The following BLZF1 variants were observed in gnomAD, a reference collection of about 807,000 sequenced individuals.
BLZF1 encodes the protein golgin-45.
BLZF1 carries 39 observed loss-of-function variants against 43.8 expected under a neutral mutation model. The observed-to-expected ratio is 0.89, with a 90% CI of 0.69 to 1.16. The LOEUF (loss-of-function observed/expected upper bound fraction) is 1.16. Ranked by LOEUF, BLZF1 falls within the 50% of genes most tolerant of loss-of-function variation. The pLI, the probability that BLZF1 is intolerant of heterozygous loss-of-function variation, is 0.00. For synonymous variants in BLZF1, 136 were observed against 159.4 expected (o/e 0.85, Z 1.11); for missense variants, 449 against 469.8 (o/e 0.96, Z 0.41).
In BLZF1 at chr1:169,380,541, A is replaced by C. The variant is rs1035484807; in HGVS notation, c.729A>C (p.Ala243=). Residue 243 remains alanine, a synonymous_variant, in exon 5 of 7, where the codon GCA becomes GCC. Transcript: ENST00000367808. Reference sequence around the variant, plus strand: ...CTTTACAGCGTCAAAACCGTGATGCACACGGGGCTATACAAGATCTCCTAA... The same window carrying C: ...CTTTACAGCGTCAAAACCGTGATGCCCACGGGGCTATACAAGATCTCCTAA... ...RAALQRQNRD[A]HGAIQDLLSE... 8 of 1,612,892 alleles carry C rather than the reference A, an allele frequency of 5.0e-6. No individual in the cohort carries two copies. Among genetic ancestry groups the C allele is most frequent in the Non-Finnish European group, 6.8e-6 (8 of 1,179,178 alleles).
At chr1:169,395,322 C>CA in intron 7 of BLZF1, 1 of 893,922 alleles carries the variant, frequency 1.1e-6, no homozygotes, top group Non-Finnish European at 1.6e-6. Flanking sequence ...GAAATACTGT[C>CA]ACAGCACAAA....
In BLZF1 at chr1:169,387,342, T is replaced by G. The variant is rs1211749489; in HGVS notation, c.*160T>G. 5.1e-6 allele frequency: 3 copies of G among 583,032 alleles called. No individual in the cohort carries two copies. The highest frequency in any genetic ancestry group is 8.5e-6 in the Non-Finnish European group (3 of 353,232). The allele number at this position is 583,032 out of a possible 1,614,324, so 36.1% of individuals were successfully genotyped here. ...TTATGTACTAGACTCCAGATTACCC[T>G]TTCTTAATAAATATCTCAGGGTAAG... On this transcript the variant is annotated 3_prime_UTR_variant, in exon 7 of 7. Coordinates refer to ENST00000367808, the MANE Select transcript of BLZF1 (RefSeq NM_001320973.2).
At chr1:169,390,330 AATTAAG>A (rs1654787659), downstream of BLZF1, among the ~76,000 whole-genome samples, 1 of 152,016 alleles carries the variant, frequency 6.6e-6, no homozygotes. Flanking sequence ...GAAGGAAGGA[AATTAAG>A]ATTAGAGTGC....
chr1:169,392,877 T>C (rs1292016008), downstream of BLZF1, among the ~76,000 whole-genome samples: 1 of 152,140 alleles, frequency 6.6e-6, no homozygotes, highest in Non-Finnish European at 1.5e-5. Context: ...AGCATGGAAG[T>C]TCCACGACCC....
At position 169,370,691 on chromosome 1, in the gene BLZF1, CTT is replaced by C. The variant is rs548660375; in HGVS notation, c.28+1142_28+1143del. On this transcript the variant is annotated intron_variant, in intron 2 of 6. Coordinates refer to ENST00000367808, the MANE Select transcript of BLZF1 (RefSeq NM_001320973.2). ...TTGGACAGCCCTGCTGTAGCTGTAT[CTT>C]CTCTCTTTCTTTTTCAGCCTCTTCT... is the stretch of plus-strand genomic sequence containing the variant. Among the ~76,000 whole-genome samples, 15 of 152,252 alleles carry C rather than the reference CTT, an allele frequency of 9.9e-5. No homozygotes were observed. In the South Asian group the frequency reaches 2.7e-3, roughly 27 times the overall value.
chr1:169,382,014 A>C, intron 5 of BLZF1, 48 bp from the exon 6 acceptor site: 1 of 1,372,136 alleles, frequency 7.3e-7, no homozygotes, highest in Non-Finnish European at 1.0e-6. Context: ...ATTAATTTTT[A>C]CATTTTGCTC....
chr1:169,371,598 G>C (rs1654122843), intron 2 of BLZF1, among the ~76,000 whole-genome samples: 1 of 152,306 alleles, frequency 6.6e-6, no homozygotes, highest in Admixed American at 6.5e-5. Flanking sequence ...CAGGAGATAA[G>C]TACGGTTGTT....
downstream of BLZF1, among the ~76,000 whole-genome samples, chr1:169,391,301 T>C (rs1054470693): frequency 6.6e-6 from 1 of 152,238 alleles, no homozygotes; most frequent in African/African-American, 2.4e-5. Context: ...ATCTCCATTC[T>C]AACCCAGCAT....
downstream of BLZF1, among the ~76,000 whole-genome samples, chr1:169,391,623 A>G (rs1349255909): frequency 6.6e-6 from 1 of 152,236 alleles, no homozygotes; most frequent in Non-Finnish European, 1.5e-5. Context: ...TCAAAATTAC[A>G]AAGTTTTCCA....
intron 6 of BLZF1, among the ~76,000 whole-genome samples, chr1:169,385,401 T>C (rs1654638756): frequency 6.6e-6 from 1 of 152,150 alleles, no homozygotes; most frequent in Non-Finnish European, 1.5e-5. Flanking sequence ...TCCCCCACAC[T>C]GTGTATAGAA....
In BLZF1 at chr1:169,378,327, T is replaced by C; in HGVS notation, c.469-3T>C. 6.2e-7 allele frequency: 1 copy of C among 1,611,870 alleles called. No homozygotes were observed. The highest frequency in any genetic ancestry group is 8.5e-7 in the Non-Finnish European group (1 of 1,178,282). On this transcript the variant is annotated splice_region_variant and splice_polypyrimidine_tract_variant and intron_variant, in intron 3 of 6. Transcript: ENST00000367808. ...TTGTTGTATTGATTACGTTCTCTTC[T>C]AGGTAAATCGTGAGTTAAAAAAGTT... is the stretch of plus-strand genomic sequence containing the variant.
chr1:169,369,051 A>G (rs570648938), intron 1 of BLZF1, among the ~76,000 whole-genome samples: 2 of 152,324 alleles, frequency 1.3e-5, no homozygotes, highest in South Asian at 4.1e-4. Flanking sequence ...GTCGTTTGTT[A>G]AACATCTAAA....
chr1:169,379,110 C>A (rs1357428341), intron 4 of BLZF1, among the ~76,000 whole-genome samples: 1 of 151,868 alleles, frequency 6.6e-6, no homozygotes, highest in Non-Finnish European at 1.5e-5. Flanking sequence ...TTATCCCCTC[C>A]CTGCCTCAAC....
rs186027492 is a variant in BLZF1 at position 169,387,904 on chromosome 1, T to C, written c.*722T>C. On this transcript the variant is annotated 3_prime_UTR_variant, in exon 7 of 7. Transcript: ENST00000367808. ...GATTCTGTATTCCAAATGGATACAA[T>C]CCGACATATATAAAAGAAACAGATT... 5.8e-4 allele frequency: 89 copies of C among 152,344 alleles called. No homozygotes were observed. Among genetic ancestry groups the C allele is most frequent in the African/African-American group, 2.1e-3 (86 of 41,574 alleles). The allele number at this position is 152,344 out of a possible 1,614,324, so 9.4% of individuals were successfully genotyped here.
At chr1:169,388,377 A>G (rs759159555), downstream of BLZF1, 2 of 152,112 alleles carry the variant, frequency 1.3e-5, no homozygotes, top group Non-Finnish European at 2.9e-5. Flanking sequence ...ACTACTTCCA[A>G]TTGATTCTTC....
At chr1:169,395,381 C>T (rs1356681585) in intron 7 of BLZF1, among the ~76,000 whole-genome samples, 4 of 152,174 alleles carry the variant, frequency 2.6e-5, no homozygotes, top group African/African-American at 9.7e-5. Context: ...AAGGCTCATA[C>T]AAGAAAGGAC....
chr1:169,392,548 A>C (rs960064017), downstream of BLZF1, among the ~76,000 whole-genome samples: 4 of 152,258 alleles, frequency 2.6e-5, no homozygotes, highest in Non-Finnish European at 5.9e-5. Context: ...TAGAAGAAAT[A>C]CATATTTTGG....
At position 169,376,586 on chromosome 1, in the gene BLZF1, A is replaced by C; in HGVS notation, c.75A>C (p.Glu25Asp). Residue 25 changes from glutamate to aspartate, a missense_variant, in exon 3 of 7, where the codon GAA (glutamate) becomes GAC (aspartate). By Grantham distance (45) the Glu-to-Asp change is conservative. Transcript: ENST00000367808. Reference sequence around the variant, plus strand: ...TCCGAGGAGCAGGAGATGGAATGGAAACTGAGGAACCACCTAAATCTGTTG... The same window carrying C: ...TCCGAGGAGCAGGAGATGGAATGGACACTGAGGAACCACCTAAATCTGTTG... ...SPIRGAGDGM[E>D]TEEPPKSVEV... 1 of 1,611,278 alleles carries C rather than the reference A, an allele frequency of 6.2e-7. No individual in the cohort carries two copies. Among genetic ancestry groups the C allele is most frequent in the Non-Finnish European group, 8.5e-7 (1 of 1,178,988 alleles).
At chr1:169,375,378 C>CAT (rs201095422) in intron 2 of BLZF1, among the ~76,000 whole-genome samples, 6 of 100,136 alleles carry the variant, frequency 6.0e-5, no homozygotes, top group East Asian at 2.5e-4. Context: ...ACATATAAAA[C>CAT]ATATATATAT....
Sources: gnomAD v4.1 joint callset for allele counts (sites outside exome capture counted in the v4.1 genomes callset) on GRCh38, gnomAD v4.1.1 for gene constraint, MANE v1.5 for transcripts, NCBI Gene and HGNC (gene_info 2026-07-23, HGNC 2026-07-21) for gene names.